The following ITGA9 variants were observed in gnomAD, a reference collection of about 807,000 sequenced individuals.
ITGA9 encodes integrin subunit alpha 9, also known as integrin alpha-9.
ITGA9 carries 56 observed loss-of-function variants against 127.8 expected under a neutral mutation model. The ratio of observed to expected loss-of-function variants is 0.44; its 90% CI spans 0.35 to 0.55. The LOEUF (loss-of-function observed/expected upper bound fraction) is 0.55. Ranked by LOEUF, ITGA9 falls within the 20% of genes least tolerant of loss-of-function variation. The probability of loss-of-function intolerance (pLI) is 0.00; values close to 1 mark genes in which losing one functional copy is unlikely to be tolerated. For missense variants in ITGA9, 1,196 were observed against 1,347.1 expected, an observed-to-expected ratio of 0.89 and a Z score of 1.76; for synonymous variants, 508 against 514.5, an observed-to-expected ratio of 0.99 and a Z score of 0.17.
intron 18 of ITGA9, among the ~76,000 whole-genome samples, chr3:37,688,937 G>T (rs1293612657): frequency 6.6e-6 from 1 of 151,690 alleles, no homozygotes; most frequent in Non-Finnish European, 1.5e-5. Context: ...TGGCTGGCTG[G>T]GTGGATGAGT....
At chr3:37,717,886 T>A (rs1701151459) in intron 18 of ITGA9, among the ~76,000 whole-genome samples, 1 of 152,120 alleles carries the variant, frequency 6.6e-6, no homozygotes, top group Admixed American at 6.5e-5. Context: ...AGTTGAAAGG[T>A]AAAACAATGG....
At chr3:37,502,511 G>A (rs528081397) in intron 5 of ITGA9, among the ~76,000 whole-genome samples, 15 of 152,248 alleles carry the variant, frequency 9.9e-5, no homozygotes, top group African/African-American at 3.1e-4. Flanking sequence ...CACTGCGCCC[G>A]GCCTTGAGTC....
At chr3:37,678,524 T>TA (rs2125660072) in intron 17 of ITGA9, among the ~76,000 whole-genome samples, 1 of 152,356 alleles carries the variant, frequency 6.6e-6, no homozygotes, top group East Asian at 1.9e-4. Flanking sequence ...GGTTGGTAGA[T>TA]ACAATACCGA....
chr3:37,601,804 G>C (rs1699925088), intron 15 of ITGA9, among the ~76,000 whole-genome samples: 1 of 152,200 alleles, frequency 6.6e-6, no homozygotes. Flanking sequence ...GAGTACCTGA[G>C]GCTGGGTAAT....
chr3:37,603,325 G>T (rs1255445878), intron 15 of ITGA9, among the ~76,000 whole-genome samples: 1 of 152,122 alleles, frequency 6.6e-6, no homozygotes, highest in Non-Finnish European at 1.5e-5. Flanking sequence ...GTATAGCAAT[G>T]ATTTACATAT....
intron 18 of ITGA9, among the ~76,000 whole-genome samples, chr3:37,714,783 A>G (rs1023444131): frequency 9.9e-5 from 15 of 152,202 alleles, no homozygotes; most frequent in Non-Finnish European, 8.8e-5. Context: ...CATGACTCGA[A>G]TGTGTGCCAC....
At chr3:37,779,206 G>A (rs1159617124) in intron 24 of ITGA9, among the ~76,000 whole-genome samples, 1 of 152,108 alleles carries the variant, frequency 6.6e-6, no homozygotes, top group Non-Finnish European at 1.5e-5. Flanking sequence ...TCGGGTTCAT[G>A]CAGTTCTCCC....
Position 37,732,692 on chromosome 3 carries a change from G to A in ITGA9, c.2068-20G>A, listed in dbSNP as rs1328442527. 2 of 1,592,152 alleles carry A rather than the reference G, an allele frequency of 1.3e-6. No homozygotes were observed. Among genetic ancestry groups the A allele is most frequent in the Non-Finnish European group, 1.7e-6 (2 of 1,167,766 alleles). On this transcript the variant is annotated intron_variant, in intron 18 of 27. Transcript: ENST00000264741. ...TGCCTTTTGTGCAGCCGGCCCATCT[G>A]TTGGTGCTTTTTCTTTCAGGAGGAG...
chr3:37,762,490 C>T (rs975566231), intron 23 of ITGA9, among the ~76,000 whole-genome samples: 2 of 152,118 alleles, frequency 1.3e-5, no homozygotes, highest in Non-Finnish European at 2.9e-5. Context: ...GTAGATGAAG[C>T]CTTCCAGGTC....
intron 18 of ITGA9, among the ~76,000 whole-genome samples, chr3:37,708,476 CAAACTATCT>C (rs1406275523): frequency 1.3e-5 from 2 of 152,166 alleles, no homozygotes; most frequent in Non-Finnish European, 2.9e-5. Context: ...GGCGTTTTTG[CAAACTATCT>C]ACCCCAACCT....
intron 16 of ITGA9, among the ~76,000 whole-genome samples, chr3:37,640,251 G>A (rs555715678): frequency 6.6e-6 from 1 of 152,336 alleles, no homozygotes; most frequent in Non-Finnish European, 1.5e-5. Flanking sequence ...AGTCACACGA[G>A]CCCTTAATAG....
chr3:37,732,800 T>A lies in ITGA9; in HGVS notation c.2154+2T>A. 6.2e-7 allele frequency: 1 copy of A among 1,606,582 alleles called. No homozygotes were observed. Among genetic ancestry groups the A allele is most frequent in the Non-Finnish European group, 8.5e-7 (1 of 1,176,402 alleles). On this transcript the variant is annotated splice_donor_variant, in intron 19 of 27. Coordinates refer to ENST00000264741, the MANE Select transcript of ITGA9 (RefSeq NM_002207.3). LOFTEE classifies it high-confidence loss of function. ...CCTTTCATGAGGTCAAAGTCAAAGG[T>A]AAGGGACACAGACGGGACCCTTCCT...
At chr3:37,641,593 A>C (rs1042733108) in intron 16 of ITGA9, among the ~76,000 whole-genome samples, 2 of 152,088 alleles carry the variant, frequency 1.3e-5, no homozygotes, top group African/African-American at 4.8e-5. Flanking sequence ...TCCCTAGGCC[A>C]GGCCACCATC....
Position 37,459,078 on chromosome 3 carries a change from G to A in ITGA9, c.185+6519G>A, listed in dbSNP as rs150762186. On this transcript the variant is annotated intron_variant, in intron 1 of 27. Transcript: ENST00000264741. ...GTCTTTGAAACCACGGGCTCACTTG[G>A]TCCACCAATGTCTGTTCTGACCAAA... 2.6e-3 allele frequency among the ~76,000 whole-genome samples: 393 copies of A among 152,306 alleles called. 2 individuals are homozygous for A. Among genetic ancestry groups the A allele is most frequent in the African/African-American group, 9.1e-3 (380 of 41,558 alleles).
At chr3:37,524,996 A>G (rs1699079975) in intron 12 of ITGA9, among the ~76,000 whole-genome samples, 1 of 152,226 alleles carries the variant, frequency 6.6e-6, no homozygotes, top group East Asian at 1.9e-4. Flanking sequence ...TAATTCATGG[A>G]TTTGCCATTT....
chr3:37,662,369 C>T (rs563950100), intron 17 of ITGA9, among the ~76,000 whole-genome samples: 2 of 151,272 alleles, frequency 1.3e-5, no homozygotes, highest in Non-Finnish European at 3.0e-5. Flanking sequence ...CACCACTGCA[C>T]TCCAGCCTGG....
chr3:37,542,581 T>G lies in ITGA9; in HGVS notation c.1685T>G (p.Val562Gly). ...ACGTGTCGTCACTATGTGGCCCATG[T>G]GAAGGTCAGTCCTCTCCTCCTTTTT... ...EETCRHYVAH[V>G]KRRVQDVISP... Residue 562 changes from valine to glycine, a missense_variant, in exon 15 of 28, where the codon GTG (valine) becomes GGG (glycine). Transcript: ENST00000264741. 1 of 1,614,172 alleles carries G rather than the reference T, an allele frequency of 6.2e-7. No individual in the cohort carries two copies. Among genetic ancestry groups the G allele is most frequent in the Non-Finnish European group, 8.5e-7 (1 of 1,179,996 alleles).
At chr3:37,489,884 C>A (rs958528404) in intron 4 of ITGA9, among the ~76,000 whole-genome samples, 1 of 152,058 alleles carries the variant, frequency 6.6e-6, no homozygotes, top group Non-Finnish European at 1.5e-5. Flanking sequence ...CTGAAGCGTG[C>A]GACTTGTGGA....
At chr3:37,490,320 C>A (rs529664863) in intron 4 of ITGA9, among the ~76,000 whole-genome samples, 1 of 152,290 alleles carries the variant, frequency 6.6e-6, no homozygotes, top group African/African-American at 2.4e-5. Context: ...AATAAGAGAG[C>A]TGAACATATT....
Sources: allele counts gnomAD v4.1 joint callset (sites outside exome capture counted in the v4.1 genomes callset), GRCh38; gene constraint gnomAD v4.1.1; transcripts MANE v1.5; gene names NCBI Gene and HGNC (gene_info 2026-07-23, HGNC 2026-07-21).